MRAP: variants seen among roughly 807,000 people sequenced by gnomAD.
The protein encoded by MRAP is melanocortin-2 receptor accessory protein.
Under a neutral mutation model 8.7 loss-of-function variants are expected in MRAP, and 8 were observed. That is an observed-to-expected ratio of 0.92 (90% CI 0.54 to 1.66). MRAP has a LOEUF of 1.66. Ranked by LOEUF, MRAP falls within the 40% of genes most tolerant of loss-of-function variation. MRAP has a pLI of 0.00. For synonymous variants in MRAP, 95 were observed against 95.5 expected (o/e 1.00, Z 0.03); for missense variants, 237 against 217.1 (o/e 1.09, Z -0.58).
chr21:32,294,944 C>G (rs2032114225), upstream of MRAP, among the ~76,000 whole-genome samples: 1 of 152,016 alleles, frequency 6.6e-6, no homozygotes, highest in South Asian at 2.1e-4. Flanking sequence ...ATTTTTGACA[C>G]TAACAGAAAA....
chr21:32,305,101 G>C lies in MRAP; in HGVS notation c.107-1539G>C, dbSNP rs185659129. On this transcript the variant is annotated intron_variant, in intron 1 of 2. Coordinates refer to ENST00000303645, the MANE Select transcript of MRAP (RefSeq NM_001379228.1). Reference sequence around the variant, plus strand: ...GATCCTCCGACCCCAGCCTCATGAAGGGGTAGGACTATGGGCATTACCGTG... The same window carrying C: ...GATCCTCCGACCCCAGCCTCATGAACGGGTAGGACTATGGGCATTACCGTG... 1.8e-3 allele frequency among the ~76,000 whole-genome samples: 271 copies of C among 151,128 alleles called. 1 individual carries two copies. The highest frequency in any genetic ancestry group is 6.3e-3 in the African/African-American group (258 of 41,110).
chr21:32,314,612 T>C, downstream of MRAP: 1 of 1,614,258 alleles, frequency 6.2e-7, no homozygotes, highest in Non-Finnish European at 8.5e-7. Context: ...AGCTATTTCC[T>C]GTGATGAGCT....
intron 2 of MRAP, among the ~76,000 whole-genome samples, chr21:32,310,249 G>T (rs896614291): frequency 5.9e-5 from 9 of 151,780 alleles, no homozygotes; most frequent in African/African-American, 1.9e-4. Flanking sequence ...AAGGCACTTG[G>T]TAACATTCCT....
upstream of MRAP, among the ~76,000 whole-genome samples, chr21:32,294,263 T>C (rs1031095287): frequency 1.4e-4 from 22 of 152,178 alleles, no homozygotes; most frequent in Middle Eastern, 0.01. Context: ...TACAGGCGCC[T>C]GCCACCACAC....
At chr21:32,306,511 G>A (rs2032420292) in intron 1 of MRAP, 129 bp from the exon 2 acceptor site, 3 of 737,732 alleles carry the variant, frequency 4.1e-6, no homozygotes, top group Non-Finnish European at 7.3e-6. Flanking sequence ...CATGGTAACA[G>A]CTGAGAGGCT....
At chr21:32,292,395 T>G (rs2032065158) in intron 1 of MRAP, among the ~76,000 whole-genome samples, 1 of 152,242 alleles carries the variant, frequency 6.6e-6, no homozygotes, top group Admixed American at 6.5e-5. Flanking sequence ...TGAGTTTTTA[T>G]CAAAGTTATG....
chr21:32,297,264 T>C (rs140377702), upstream of MRAP, among the ~76,000 whole-genome samples: 74 of 152,252 alleles, frequency 4.9e-4, no homozygotes, highest in African/African-American at 1.6e-3. Flanking sequence ...TATTAGAGGG[T>C]TGCAATGTTC....
At chr21:32,309,608 C>A (rs560310808) in intron 2 of MRAP, among the ~76,000 whole-genome samples, 1 of 150,748 alleles carries the variant, frequency 6.6e-6, no homozygotes, top group Non-Finnish European at 1.5e-5. Flanking sequence ...CCCGCCACGA[C>A]GCACAGCTAA....
At chr21:32,303,228 C>T (rs2032330802) in intron 1 of MRAP, among the ~76,000 whole-genome samples, 1 of 152,098 alleles carries the variant, frequency 6.6e-6, no homozygotes, top group African/African-American at 2.4e-5. Flanking sequence ...AGGTGATCCA[C>T]CCACCTTGGC....
At chr21:32,292,148 TA>T (rs74927734) in intron 1 of MRAP, among the ~76,000 whole-genome samples, 1,601 of 149,338 alleles carry the variant, frequency 0.011, 16 homozygotes, top group Non-Finnish European at 0.015. Context: ...TGGTTTTGTT[TA>T]AAAAAAAAAG....
intron 1 of MRAP, among the ~76,000 whole-genome samples, chr21:32,292,683 C>T (rs538677419): frequency 6.6e-6 from 1 of 152,146 alleles, no homozygotes; most frequent in African/African-American, 2.4e-5. Context: ...TCTCGAACTC[C>T]TGACCTCAGG....
intron 2 of MRAP, among the ~76,000 whole-genome samples, chr21:32,293,643 T>G (rs1393737854): frequency 2.0e-5 from 3 of 152,138 alleles, no homozygotes; most frequent in Non-Finnish European, 4.4e-5. Context: ...TACCTTTCTC[T>G]CCACACTCAA....
At chr21:32,298,538 G>A (rs556851063), upstream of MRAP, among the ~76,000 whole-genome samples, 3 of 152,230 alleles carry the variant, frequency 2.0e-5, no homozygotes, top group East Asian at 1.9e-4. Context: ...GGGCACTGTC[G>A]GGCTTACATT....
downstream of MRAP, chr21:32,313,760 G>C (rs887074521): frequency 2.6e-5 from 4 of 152,222 alleles, no homozygotes; most frequent in African/African-American, 9.7e-5. Flanking sequence ...AAGAGCCCCA[G>C]GCATGCAGGA....
At chr21:32,311,407 C>CAA in intron 2 of MRAP, 1 of 336,208 alleles carries the variant, frequency 3.0e-6, no homozygotes, top group South Asian at 4.7e-5. Flanking sequence ...TGCTCCCCTC[C>CAA]ACCCCCCACC....
At chr21:32,314,764 C>T, downstream of MRAP, 2 of 1,431,250 alleles carry the variant, frequency 1.4e-6, no homozygotes, top group Non-Finnish European at 1.9e-6. Flanking sequence ...CAATAAAGTC[C>T]TCTCAACTTT....
At chr21:32,305,124 G>A (rs1331530787) in intron 1 of MRAP, among the ~76,000 whole-genome samples, 1 of 151,784 alleles carries the variant, frequency 6.6e-6, no homozygotes, top group African/African-American at 2.4e-5. Flanking sequence ...GGGCATTACC[G>A]TGCCCAGGTA....
Position 32,304,955 on chromosome 21 carries a change from T to G in MRAP, c.107-1685T>G, listed in dbSNP as rs2032373907. Reference sequence around the variant, plus strand: ...ATACCCTGTTTTGAGGGGGATTTGTTTTTTTTGTTGTTTTTTTTTTTTTTT... The same window carrying G: ...ATACCCTGTTTTGAGGGGGATTTGTGTTTTTTGTTGTTTTTTTTTTTTTTT... On this transcript the variant is annotated intron_variant, in intron 1 of 2. Coordinates refer to ENST00000303645, the MANE Select transcript of MRAP (RefSeq NM_001379228.1). Among the ~76,000 whole-genome samples the G allele has an allele frequency of 5.8e-5, 8 of 138,542 alleles. No individual in the cohort carries two copies. The South Asian group carries it at 1.8e-3, about 31-fold the overall frequency. 90.9% of individuals were successfully genotyped at this position (138,542 alleles called of 152,430 possible).
At chr21:32,306,331 A>G (rs988895917) in intron 1 of MRAP, 3 of 399,598 alleles carry the variant, frequency 7.5e-6, no homozygotes, top group Non-Finnish European at 1.4e-5. Flanking sequence ...TCTGAGCACC[A>G]CTAGGAGCCG....
Sources: gnomAD v4.1 joint callset for allele counts (sites outside exome capture counted in the v4.1 genomes callset) on GRCh38, gnomAD v4.1.1 for gene constraint, MANE v1.5 for transcripts, NCBI Gene and HGNC (gene_info 2026-07-23, HGNC 2026-07-21) for gene names.